The following ARHGEF3 variants were observed in gnomAD, a reference collection of about 807,000 sequenced individuals.
The protein encoded by ARHGEF3 is Rho guanine nucleotide exchange factor 3, also known as 59.8 kDA protein.
A neutral mutation model predicts 63.2 loss-of-function variants in ARHGEF3; 28 were observed. The observed-to-expected ratio is 0.44, with a 90% CI of 0.33 to 0.61. The LOEUF is 0.61. ARHGEF3 is among the 20% of genes least tolerant of loss of function. The probability of loss-of-function intolerance (pLI) is 0.03; values close to 1 mark genes in which losing one functional copy is unlikely to be tolerated. For synonymous variants in ARHGEF3, 266 were observed against 254.2 expected (o/e 1.05, Z -0.44); for missense variants, 533 against 659.3 (o/e 0.81, Z 2.10).
At chr3:56,829,974 G>A (rs547716478) in intron 4 of ARHGEF3, among the ~76,000 whole-genome samples, 4 of 152,292 alleles carry the variant, frequency 2.6e-5, no homozygotes, top group South Asian at 4.1e-4. Flanking sequence ...TCCGATGATC[G>A]TGTTATGGCA....
At chr3:56,758,401 G>C (rs922187697) in intron 2 of ARHGEF3, among the ~76,000 whole-genome samples, 2 of 151,824 alleles carry the variant, frequency 1.3e-5, no homozygotes, top group African/African-American at 4.8e-5. Flanking sequence ...ACCACTCTGG[G>C]CAACGTAGCA....
intron 7 of ARHGEF3, among the ~76,000 whole-genome samples, chr3:56,744,718 A>G (rs1248905765): frequency 6.6e-6 from 1 of 151,900 alleles, no homozygotes; most frequent in Non-Finnish European, 1.5e-5. Flanking sequence ...CACTCAACAA[A>G]CATTTGCTGA....
rs374339278 is a variant in ARHGEF3 at position 57,024,165 on chromosome 3, T to C, written c.62+10923A>G. 8.5e-5 allele frequency among the ~76,000 whole-genome samples: 13 copies of C among 152,214 alleles called. 1 individual carries two copies. In the South Asian group the frequency reaches 2.5e-3, roughly 29 times the overall value. On this transcript the variant is annotated intron_variant, in intron 2 of 12. Transcript: ENST00000338458. Reference sequence around the variant, plus strand: ...AACCCACCACTCCCCAAAGTGCCCATTCCACCATGACATTCTAACCTTGCA... The same window carrying C: ...AACCCACCACTCCCCAAAGTGCCCACTCCACCATGACATTCTAACCTTGCA...
intron 3 of ARHGEF3, among the ~76,000 whole-genome samples, chr3:56,941,576 T>C (rs1293706676): frequency 1.3e-5 from 2 of 152,218 alleles, no homozygotes; most frequent in Non-Finnish European, 1.5e-5. Context: ...AAGCCTCCTG[T>C]TGCTTGTGGA....
At chr3:56,851,497 C>T (rs2039673470) in intron 4 of ARHGEF3, among the ~76,000 whole-genome samples, 1 of 152,130 alleles carries the variant, frequency 6.6e-6, no homozygotes, top group Admixed American at 6.5e-5. Context: ...AAGCAATTCA[C>T]CCACCTCAGC....
At chr3:56,866,002 A>G (rs970995197) in intron 4 of ARHGEF3, among the ~76,000 whole-genome samples, 39 of 152,276 alleles carry the variant, frequency 2.6e-4, no homozygotes, top group Admixed American at 2.0e-4. Flanking sequence ...ATGAAAAAAA[A>G]AAAATGAAAT....
At chr3:56,989,662 A>G (rs1238849339) in intron 2 of ARHGEF3, among the ~76,000 whole-genome samples, 1 of 152,044 alleles carries the variant, frequency 6.6e-6, no homozygotes, top group Non-Finnish European at 1.5e-5. Context: ...GCCTCTAGTA[A>G]GGCTGCTGCC....
At chr3:56,986,324 G>GTC (rs767608618) in intron 2 of ARHGEF3, among the ~76,000 whole-genome samples, 85 of 152,320 alleles carry the variant, frequency 5.6e-4, no homozygotes, top group Non-Finnish European at 1.0e-3. Context: ...CCTAATCTCT[G>GTC]CCTCTAGTCT....
intron 1 of ARHGEF3, among the ~76,000 whole-genome samples, chr3:57,061,707 T>A (rs7639626): frequency 0.85 from 130,073 of 152,196 alleles, 55,661 homozygotes; most frequent in East Asian, 0.96. Flanking sequence ...CCTGTTACAC[T>A]TTTAGGATTC....
intron 3 of ARHGEF3, among the ~76,000 whole-genome samples, chr3:56,922,736 G>A (rs751135102): frequency 1.3e-5 from 2 of 152,158 alleles, no homozygotes; most frequent in Non-Finnish European, 2.9e-5. Flanking sequence ...TTTGGGCTCT[G>A]TGATTTTTGG....
intron 1 of ARHGEF3, chr3:56,775,033 A>G (rs1301419394): frequency 1.3e-6 from 2 of 1,550,118 alleles, no homozygotes; most frequent in South Asian, 2.4e-5. Context: ...GACCTGTAGT[A>G]GATGCTAGAC....
chr3:56,764,328 T>C (rs892213797), intron 2 of ARHGEF3, among the ~76,000 whole-genome samples: 1 of 152,158 alleles, frequency 6.6e-6, no homozygotes, highest in Admixed American at 6.5e-5. Flanking sequence ...AGAATGTTAA[T>C]GACAAGATAT....
At chr3:56,819,916 C>T (rs1007648590) in intron 4 of ARHGEF3, among the ~76,000 whole-genome samples, 1 of 151,936 alleles carries the variant, frequency 6.6e-6, no homozygotes, top group Non-Finnish European at 1.5e-5. Context: ...CTCAAGCATT[C>T]CTTCCATCTC....
At chr3:56,817,321 A>G (rs2038310382) in intron 4 of ARHGEF3, among the ~76,000 whole-genome samples, 1 of 152,198 alleles carries the variant, frequency 6.6e-6, no homozygotes, top group African/African-American at 2.4e-5. Context: ...GAGCGAGGAG[A>G]TAAGTCTGGA....
intron 2 of ARHGEF3, among the ~76,000 whole-genome samples, chr3:56,766,275 G>A (rs1461672947): frequency 2.6e-5 from 4 of 152,168 alleles, no homozygotes; most frequent in Non-Finnish European, 5.9e-5. Flanking sequence ...TTTATCATAT[G>A]TTCATGCTGC....
intron 4 of ARHGEF3, among the ~76,000 whole-genome samples, chr3:56,860,929 G>T (rs184188875): frequency 1.1e-3 from 169 of 152,258 alleles, no homozygotes; most frequent in Middle Eastern, 3.4e-3. Context: ...GGCTACTAAA[G>T]AACAAAGAAG....
rs560184672 is a variant in ARHGEF3 at position 56,757,284 on chromosome 3, C to A, written c.205-2133G>T. 2.6e-5 allele frequency among the ~76,000 whole-genome samples: 4 copies of A among 152,258 alleles called. No individual in the cohort carries two copies. The East Asian group carries it at 7.7e-4, about 29-fold the overall frequency. On this transcript the variant is annotated intron_variant, in intron 2 of 9. Transcript: ENST00000296315. ...GGTCAGCAGTTTGACACCAGCCTGGCCAACATGGTGAAACCCCGTCTCTAC... is the reference window on the plus strand; with the variant it reads ...GGTCAGCAGTTTGACACCAGCCTGGACAACATGGTGAAACCCCGTCTCTAC...
At chr3:56,998,808 C>A (rs769129709) in intron 2 of ARHGEF3, among the ~76,000 whole-genome samples, 14 of 152,196 alleles carry the variant, frequency 9.2e-5, no homozygotes, top group Non-Finnish European at 1.9e-4. Flanking sequence ...CATGTTTATG[C>A]CCACAGGCAC....
chr3:56,920,336 T>G (rs376572323), intron 3 of ARHGEF3, among the ~76,000 whole-genome samples: 32 of 152,280 alleles, frequency 2.1e-4, no homozygotes, highest in African/African-American at 7.5e-4. Context: ...GCACCAAAAC[T>G]GGGACCTAAC....
Sources: allele counts gnomAD v4.1 joint callset (sites outside exome capture counted in the v4.1 genomes callset), GRCh38; gene constraint gnomAD v4.1.1; transcripts MANE v1.5; gene names NCBI Gene and HGNC (gene_info 2026-07-23, HGNC 2026-07-21).